The following MBOAT1 variants were observed in gnomAD, a reference collection of about 807,000 sequenced individuals.
MBOAT1 encodes the protein membrane bound glycerophospholipid O-acyltransferase 1, also known as membrane-bound glycerophospholipid O-acyltransferase 1.
MBOAT1 carries 67 observed loss-of-function variants against 64.4 expected under a neutral mutation model. The observed-to-expected ratio is 1.04, with a 90% CI of 0.85 to 1.27. The LOEUF is 1.27. MBOAT1 is among the 50% of genes most tolerant of loss of function. The pLI is 0.00. For synonymous variants in MBOAT1, 229 were observed against 218.9 expected, an observed-to-expected ratio of 1.05 and a Z score of -0.41; for missense variants, 563 against 604.6, an observed-to-expected ratio of 0.93 and a Z score of 0.72.
At chr6:20,156,095 C>T (rs1429522019) in intron 1 of MBOAT1, among the ~76,000 whole-genome samples, 2 of 151,748 alleles carry the variant, frequency 1.3e-5, no homozygotes, top group Non-Finnish European at 2.9e-5. Flanking sequence ...GGTGAAACCC[C>T]GTCTCTACTA....
intron 4 of MBOAT1, among the ~76,000 whole-genome samples, chr6:20,141,780 G>C (rs1158829383): frequency 6.6e-6 from 1 of 152,102 alleles, no homozygotes; most frequent in African/African-American, 2.4e-5. Flanking sequence ...TGCAGGCTTG[G>C]GGTGGTCCAG....
At position 20,112,864 on chromosome 6, in the gene MBOAT1, A is replaced by T. The variant is rs368064078; in HGVS notation, c.1209+12T>A. 1 of 1,611,648 alleles carries T rather than the reference A, an allele frequency of 6.2e-7. No individual in the cohort carries two copies. The highest frequency in any genetic ancestry group is 1.3e-5 in the African/African-American group (1 of 75,014). On this transcript the variant is annotated intron_variant, in intron 11 of 12. Transcript: ENST00000324607. ...ACTAAGGGGAAAGACCCTAGGCCTA[A>T]AGCACACTTACCGCTCTAGCTGCTA... is the stretch of plus-strand genomic sequence containing the variant.
intron 1 of MBOAT1, among the ~76,000 whole-genome samples, chr6:20,153,395 C>T (rs946674842): frequency 4.6e-5 from 7 of 152,168 alleles, no homozygotes; most frequent in African/African-American, 7.2e-5. Context: ...GGTCTCTTTT[C>T]TCACCCCCAG....
At chr6:20,162,757 A>G (rs1453745741) in intron 1 of MBOAT1, among the ~76,000 whole-genome samples, 1 of 152,222 alleles carries the variant, frequency 6.6e-6, no homozygotes, top group Non-Finnish European at 1.5e-5. Context: ...TGGCCTCTCA[A>G]GATCTCATTC....
chr6:20,114,288 T>C lies in MBOAT1; in HGVS notation c.1076+1000A>G, dbSNP rs985949831. Among the ~76,000 whole-genome samples, 6 of 152,216 alleles carry C rather than the reference T, an allele frequency of 3.9e-5. No homozygotes were observed. In the East Asian group the frequency reaches 1.2e-3, roughly 29 times the overall value. On this transcript the variant is annotated intron_variant, in intron 10 of 12. Transcript: ENST00000324607. Reference sequence around the variant, plus strand: ...AAGCTTAATATTTGTATACTCTCCCTGTATTCATTATGATAGGCATATCAC... The same window carrying C: ...AAGCTTAATATTTGTATACTCTCCCCGTATTCATTATGATAGGCATATCAC...
At chr6:20,120,902 T>C (rs74472627) in intron 8 of MBOAT1, among the ~76,000 whole-genome samples, 1 of 152,332 alleles carries the variant, frequency 6.6e-6, no homozygotes, top group East Asian at 1.9e-4. Flanking sequence ...TAACAGGCTC[T>C]AAGTTCACCA....
intron 5 of MBOAT1, among the ~76,000 whole-genome samples, chr6:20,130,399 G>A (rs555540150): frequency 1.2e-4 from 18 of 152,220 alleles, no homozygotes; most frequent in Admixed American, 1.2e-3. Flanking sequence ...TGTCACCCAG[G>A]CTGGAGTGCA....
chr6:20,140,076 C>G (rs1442770739), intron 4 of MBOAT1, among the ~76,000 whole-genome samples: 1 of 152,002 alleles, frequency 6.6e-6, no homozygotes, highest in African/African-American at 2.4e-5. Context: ...AGCCACTATC[C>G]CCAGGGTCAT....
intron 1 of MBOAT1, among the ~76,000 whole-genome samples, chr6:20,202,377 A>C (rs1389387523): frequency 8.0e-6 from 1 of 125,406 alleles, no homozygotes; most frequent in Non-Finnish European, 1.9e-5. Context: ...TAAACCTGAG[A>C]ATGGAATATT....
At chr6:20,113,385 G>A (rs1760231153) in intron 10 of MBOAT1, among the ~76,000 whole-genome samples, 1 of 152,352 alleles carries the variant, frequency 6.6e-6, no homozygotes. Flanking sequence ...GGGTGCTTAA[G>A]TAAGTGCCAT....
chr6:20,127,433 A>G (rs1053314357), intron 6 of MBOAT1, among the ~76,000 whole-genome samples: 5 of 152,198 alleles, frequency 3.3e-5, no homozygotes, highest in Admixed American at 6.5e-5. Flanking sequence ...GTGGCCTGTT[A>G]GGAACTGGGC....
chr6:20,208,695 G>A (rs9368157), intron 1 of MBOAT1, among the ~76,000 whole-genome samples: 148,099 of 151,538 alleles, frequency 0.98, 72,436 homozygotes, highest in South Asian at 1. Context: ...AAATTAGGGG[G>A]AAAAAAAAAT....
rs769474574 is a variant in MBOAT1 at position 20,115,344 on chromosome 6, T to C, written c.1020A>G (p.Thr340=). 1 of 1,613,474 alleles carries C rather than the reference T, an allele frequency of 6.2e-7. No homozygotes were observed. Among genetic ancestry groups the C allele is most frequent in the Non-Finnish European group, 8.5e-7 (1 of 1,179,524 alleles). Residue 340 remains threonine (T), a synonymous_variant, in exon 10 of 13, where the codon ACA becomes ACG. Transcript: ENST00000324607. The part of the protein sequence containing the change: ...NLNIWKIETA[T]SFKMYLENWN... The stretch of plus-strand genomic sequence containing the variant: ...AGTTTTCCAAGTACATTTTGAAACT[T>C]GTGGCAGTCTGGAAAGAAGAAAATA...
At chr6:20,145,817 A>T (rs919519649) in intron 3 of MBOAT1, among the ~76,000 whole-genome samples, 6 of 152,160 alleles carry the variant, frequency 3.9e-5, no homozygotes, top group Non-Finnish European at 7.4e-5. Flanking sequence ...GAACCTGCCT[A>T]ATTTTCAGAT....
intron 1 of MBOAT1, among the ~76,000 whole-genome samples, chr6:20,163,988 T>G (rs982463638): frequency 1.3e-5 from 2 of 152,010 alleles, no homozygotes; most frequent in Non-Finnish European, 2.9e-5. Context: ...TTTATACAGA[T>G]AGAGATCACT....
chr6:20,136,220 T>C (rs547016496), intron 4 of MBOAT1, among the ~76,000 whole-genome samples: 5 of 152,334 alleles, frequency 3.3e-5, no homozygotes, highest in African/African-American at 9.6e-5. Context: ...GCCTCTGGAC[T>C]CATTTCAGAG....
At chr6:20,150,201 T>C (rs148239899) in intron 3 of MBOAT1, among the ~76,000 whole-genome samples, 540 of 152,338 alleles carry the variant, frequency 3.5e-3, no homozygotes, top group Non-Finnish European at 5.4e-3. Flanking sequence ...ACTACCTCTG[T>C]ACTTTGAAAT....
chr6:20,194,312 A>G (rs1428358512), intron 1 of MBOAT1, among the ~76,000 whole-genome samples: 1 of 152,180 alleles, frequency 6.6e-6, no homozygotes, highest in Non-Finnish European at 1.5e-5. Context: ...AACTTTATTC[A>G]GATTTCCTTA....
chr6:20,167,445 G>A (rs570171091), intron 1 of MBOAT1, among the ~76,000 whole-genome samples: 3 of 152,318 alleles, frequency 2.0e-5, no homozygotes, highest in Admixed American at 6.5e-5. Context: ...TCTTTTCAGT[G>A]AGATTGTGGA....
Sources: gnomAD v4.1 joint callset for allele counts (sites outside exome capture counted in the v4.1 genomes callset) on GRCh38, gnomAD v4.1.1 for gene constraint, MANE v1.5 for transcripts, NCBI Gene and HGNC (gene_info 2026-07-23, HGNC 2026-07-21) for gene names.